Variants in TCF12 observed in about 807,000 individuals in gnomAD.
TCF12 encodes transcription factor 12, also known as DNA-binding protein HTF4.
A neutral mutation model predicts 86.0 loss-of-function variants in TCF12; 45 were observed. That is an observed-to-expected ratio of 0.52 (90% confidence interval 0.41 to 0.67). The LOEUF is 0.67. TCF12 is among the 30% of genes least tolerant of loss of function. TCF12 has a pLI of 0.00. For missense variants in TCF12, 881 were observed against 859.9 expected, an observed-to-expected ratio of 1.02 and a Z score of -0.31; for synonymous variants, 330 against 299.6, an observed-to-expected ratio of 1.10 and a Z score of -1.05.
intron 5 of TCF12, among the ~76,000 whole-genome samples, chr15:57,114,158 A>C (rs1291556111): frequency 6.6e-6 from 1 of 152,002 alleles, no homozygotes; most frequent in South Asian, 2.1e-4. Context: ...GTGATTTATT[A>C]CTCTTTGAAA....
intron 18 of TCF12, among the ~76,000 whole-genome samples, chr15:57,270,150 G>C (rs773205408): frequency 6.6e-6 from 1 of 152,206 alleles, no homozygotes; most frequent in African/African-American, 2.4e-5. Context: ...CCTGAAGAGT[G>C]TTTTCTAACT....
chr15:57,190,119 G>A (rs377753514), intron 6 of TCF12, among the ~76,000 whole-genome samples: 8 of 152,266 alleles, frequency 5.3e-5, no homozygotes, highest in Non-Finnish European at 5.9e-5. Flanking sequence ...CTGGAATTTC[G>A]TTTTGGGGTG....
At chr15:56,976,534 A>G (rs2062615615) in intron 3 of TCF12, among the ~76,000 whole-genome samples, 2 of 151,990 alleles carry the variant, frequency 1.3e-5, no homozygotes, top group Non-Finnish European at 2.9e-5. Context: ...TAGAACTATT[A>G]CAGCTAATAC....
chr15:57,084,415 A>G (rs1413436833), intron 4 of TCF12, among the ~76,000 whole-genome samples: 2 of 152,196 alleles, frequency 1.3e-5, no homozygotes, highest in Admixed American at 1.3e-4. Context: ...ACAAAAAGAA[A>G]TAATAGGGCT....
At chr15:57,026,942 A>G (rs181954596) in intron 3 of TCF12, among the ~76,000 whole-genome samples, 9 of 152,132 alleles carry the variant, frequency 5.9e-5, no homozygotes, top group East Asian at 1.9e-4. Context: ...TGCTATGTAA[A>G]TAGTTGTTAT....
At chr15:57,115,994 A>C (rs1471066999) in intron 5 of TCF12, among the ~76,000 whole-genome samples, 1 of 152,186 alleles carries the variant, frequency 6.6e-6, no homozygotes, top group Non-Finnish European at 1.5e-5. Flanking sequence ...GCATTTACAT[A>C]GTTCCTTACT....
chr15:57,011,047 A>G (rs1365459154), intron 3 of TCF12, among the ~76,000 whole-genome samples: 2 of 152,186 alleles, frequency 1.3e-5, no homozygotes, highest in African/African-American at 2.4e-5. Flanking sequence ...ACTTGACACC[A>G]TCAATCTAGA....
chr15:56,974,555 C>T (rs1019111635), intron 3 of TCF12, among the ~76,000 whole-genome samples: 1 of 151,992 alleles, frequency 6.6e-6, no homozygotes, highest in African/African-American at 2.4e-5. Flanking sequence ...TATTAAATAT[C>T]CACTTTGTTA....
At chr15:57,062,459 T>C (rs962418028) in intron 3 of TCF12, among the ~76,000 whole-genome samples, 4 of 152,148 alleles carry the variant, frequency 2.6e-5, no homozygotes, top group Non-Finnish European at 4.4e-5. Context: ...TAAAAAAAGT[T>C]ATTAAAATAT....
chr15:57,002,755 T>C lies in TCF12; in HGVS notation c.149-60995T>C, dbSNP rs575097464. Among the ~76,000 whole-genome samples, 4 of 152,342 alleles carry C rather than the reference T, an allele frequency of 2.6e-5. No homozygotes were observed. In the East Asian group the frequency reaches 7.7e-4, roughly 29 times the overall value. ...TTCTCTGTCTCTATAAGGTTTCACG[T>C]TTAAACAGATAAATAAAGCAGACAG... is the stretch of plus-strand genomic sequence containing the variant. On this transcript the variant is annotated intron_variant, in intron 3 of 20. Coordinates refer to ENST00000333725, the MANE Select transcript of TCF12 (RefSeq NM_207037.2).
At chr15:56,932,223 A>G (rs772682834) in intron 3 of TCF12, among the ~76,000 whole-genome samples, 6 of 152,154 alleles carry the variant, frequency 3.9e-5, no homozygotes, top group Admixed American at 6.5e-5. Context: ...CTTCATAAAT[A>G]TTTACTCATA....
chr15:56,999,467 A>T (rs1327336911), intron 3 of TCF12, among the ~76,000 whole-genome samples: 2 of 152,114 alleles, frequency 1.3e-5, no homozygotes, highest in Non-Finnish European at 2.9e-5. Flanking sequence ...ATACTAAAAA[A>T]CTCTATGCAC....
chr15:57,246,809 T>A (rs1382042748), intron 13 of TCF12, among the ~76,000 whole-genome samples: 1 of 152,192 alleles, frequency 6.6e-6, no homozygotes, highest in East Asian at 1.9e-4. Context: ...CTGCAGTAAC[T>A]TTTCTGACTA....
intron 6 of TCF12, among the ~76,000 whole-genome samples, chr15:57,171,289 A>G (rs1199264066): frequency 6.6e-6 from 1 of 152,060 alleles, no homozygotes; most frequent in African/African-American, 2.4e-5. Context: ...GAAGCCCAAA[A>G]TTCAGCAGAG....
At chr15:57,205,031 G>A (rs1344090354) in intron 8 of TCF12, among the ~76,000 whole-genome samples, 1 of 152,112 alleles carries the variant, frequency 6.6e-6, no homozygotes. Context: ...TATCCGGCCC[G>A]GCCAGGCGCA....
intron 8 of TCF12, among the ~76,000 whole-genome samples, chr15:57,211,585 C>CT (rs1364775756): frequency 6.6e-6 from 1 of 152,112 alleles, no homozygotes; most frequent in African/African-American, 2.4e-5. Flanking sequence ...TTTCAAATTC[C>CT]TTTTTTGGTT....
intron 8 of TCF12, among the ~76,000 whole-genome samples, chr15:57,222,818 T>TA (rs2058669217): frequency 7.2e-6 from 1 of 139,004 alleles, no homozygotes; most frequent in African/African-American, 2.7e-5. Context: ...TGGAGTGCCT[T>TA]ACTCCATTTT....
rs1306824887 is a variant in TCF12, at chr15:57,063,749, G to A, written c.149-1G>A. The A allele has an allele frequency of 6.3e-7, 1 of 1,599,284 alleles. No homozygotes were observed. The highest frequency in any genetic ancestry group is 8.6e-7 in the Non-Finnish European group (1 of 1,169,220). On this transcript the variant is annotated splice_acceptor_variant, in intron 3 of 20. Transcript: ENST00000333725. LOFTEE classifies it high-confidence loss of function. Reference sequence around the variant, plus strand: ...TATCTTTTATTTTCTTCTCTTTTTAGGTATTGATGAAAGAGGAGGTACAAC... The same window carrying A: ...TATCTTTTATTTTCTTCTCTTTTTAAGTATTGATGAAAGAGGAGGTACAAC...
chr15:57,159,647 T>C (rs2054355174), intron 5 of TCF12, among the ~76,000 whole-genome samples: 1 of 152,244 alleles, frequency 6.6e-6, no homozygotes, highest in Non-Finnish European at 1.5e-5. Context: ...TTGATCTCAT[T>C]AACTTTTTTG....
Sources: allele counts gnomAD v4.1 joint callset (sites outside exome capture counted in the v4.1 genomes callset), GRCh38; gene constraint gnomAD v4.1.1; transcripts MANE v1.5; gene names NCBI Gene and HGNC (gene_info 2026-07-23, HGNC 2026-07-21).